Variants in MPPE1 observed in about 807,000 individuals in gnomAD.
MPPE1 encodes the protein metallophosphoesterase 1, also known as metallo phosphoesterase.
A neutral mutation model predicts 43.8 loss-of-function variants in MPPE1; 28 were observed. The observed-to-expected ratio is 0.64, with a 90% CI of 0.47 to 0.88. The LOEUF (loss-of-function observed/expected upper bound fraction) is 0.88. Among genes scored for constraint, MPPE1 ranks in the 40% least tolerant of loss-of-function variants. MPPE1 has a pLI of 0.00. For missense variants in MPPE1, 428 were observed against 492.2 expected (o/e 0.87, Z 1.23); for synonymous variants, 159 against 188.5 (o/e 0.84, Z 1.28).
chr18:11,884,151 A>T lies in MPPE1; in HGVS notation c.*294T>A, dbSNP rs1425484535. ...CCTGGGGGAACAAGGACTGTCGTGC[A>T]TGTGAGTGACGACATTAATAGCATT... On this transcript the variant is annotated 3_prime_UTR_variant, in exon 11 of 11. Transcript: ENST00000588072. 3.4e-6 allele frequency: 1 copy of T among 295,260 alleles called. No homozygotes were observed. The highest frequency in any genetic ancestry group is 1.1e-3 in the Middle Eastern group (1 of 872). 18.3% of individuals were successfully genotyped at this position (295,260 alleles called of 1,614,324 possible).
chr18:11,904,769 C>G (rs2039544225), intron 2 of MPPE1, among the ~76,000 whole-genome samples: 1 of 151,760 alleles, frequency 6.6e-6, no homozygotes, highest in Non-Finnish European at 1.5e-5. Context: ...AACCCCATCT[C>G]TACTAAATAT....
rs550690796 is a variant in MPPE1, at chr18:11,883,273, A to G, written c.*1172T>C. ...CCTCAGCTGAACTAAGATAAATAATACAATGGAAATTATTTTCAGTTCCCC... is the reference window on the plus strand; with the variant it reads ...CCTCAGCTGAACTAAGATAAATAATGCAATGGAAATTATTTTCAGTTCCCC... On this transcript the variant is annotated 3_prime_UTR_variant, in exon 11 of 11. Transcript: ENST00000588072. 6.6e-6 allele frequency: 1 copy of G among 152,352 alleles called. No individual in the cohort carries two copies. Among genetic ancestry groups the G allele is most frequent in the Non-Finnish European group, 1.5e-5 (1 of 68,020 alleles). 9.4% of individuals were successfully genotyped at this position (152,352 alleles called of 1,614,324 possible).
chr18:11,902,618 C>CA (rs778182227), intron 2 of MPPE1: 1 of 152,136 alleles, frequency 6.6e-6, no homozygotes, highest in Non-Finnish European at 1.5e-5. Context: ...TTCCAGTATG[C>CA]AAACCCTTGC....
At chr18:11,900,482 G>A (rs2039030150) in intron 2 of MPPE1, among the ~76,000 whole-genome samples, 1 of 151,886 alleles carries the variant, frequency 6.6e-6, no homozygotes, top group South Asian at 2.1e-4. Flanking sequence ...CTCCAGACTG[G>A]GTAACAAGAG....
intron 6 of MPPE1, 130 bp downstream of exon 6, chr18:11,888,539 G>T: frequency 3.3e-6 from 2 of 604,032 alleles, no homozygotes; most frequent in Non-Finnish European, 5.8e-6. Context: ...CTAAGGCACT[G>T]CTGTTTAAAG....
At chr18:11,890,820 GGAT>G (rs1435981145) in intron 4 of MPPE1, among the ~76,000 whole-genome samples, 1 of 152,138 alleles carries the variant, frequency 6.6e-6, no homozygotes, top group Non-Finnish European at 1.5e-5. Flanking sequence ...ACTAAGACAA[GGAT>G]GAGAACATCT....
chr18:11,885,741 G>GGCCCCCGTGGT lies in MPPE1; in HGVS notation c.932_942dup (p.Arg315ThrfsTer48), dbSNP rs761005446. 9.3e-6 allele frequency: 15 copies of GGCCCCCGTGGT among 1,613,790 alleles called. No homozygotes were observed. Among genetic ancestry groups the GGCCCCCGTGGT allele is most frequent in the Non-Finnish European group, 5.1e-6 (6 of 1,179,894 alleles). On this transcript the variant is annotated frameshift_variant, in exon 10 of 11. Coordinates refer to ENST00000588072, the MANE Select transcript of MPPE1 (RefSeq NM_023075.6). LOFTEE classifies it high-confidence loss of function. ...GATGGGACGCTGAGCTCGGGGACTC[G>GGCCCCCGTGGT]GCCCCCGTGGTGCACCTCGCAGGCG...
intron 2 of MPPE1, chr18:11,902,446 T>A (rs1222993770): frequency 6.6e-6 from 1 of 152,206 alleles, no homozygotes; most frequent in Admixed American, 6.5e-5. Flanking sequence ...CATTCGATCT[T>A]ACTATCTCAT....
At chr18:11,903,581 C>T (rs980537889) in intron 2 of MPPE1, among the ~76,000 whole-genome samples, 5 of 152,038 alleles carry the variant, frequency 3.3e-5, no homozygotes, top group South Asian at 2.1e-4. Context: ...CCGAGGCGGG[C>T]GGATCACAAG....
intron 2 of MPPE1, among the ~76,000 whole-genome samples, chr18:11,904,968 A>G (rs2039569688): frequency 6.6e-6 from 1 of 151,896 alleles, no homozygotes; most frequent in African/African-American, 2.4e-5. Flanking sequence ...AAAAAAAGAT[A>G]ACAGAACAAA....
intron 3 of MPPE1, among the ~76,000 whole-genome samples, chr18:11,896,205 G>A (rs188997262): frequency 9.9e-4 from 145 of 146,600 alleles, no homozygotes; most frequent in Non-Finnish European, 1.7e-3. Flanking sequence ...AGGTTTAAGC[G>A]ATTCTCCTGC....
At chr18:11,904,903 A>G (rs7237688) in intron 2 of MPPE1, among the ~76,000 whole-genome samples, 9,113 of 152,158 alleles carry the variant, frequency 0.06, 939 homozygotes, top group African/African-American at 0.21. Context: ...AGATTTCACC[A>G]TAGCACTCCA....
chr18:11,902,136 TA>T (rs1218270000), intron 2 of MPPE1: 1 of 152,030 alleles, frequency 6.6e-6, no homozygotes, highest in African/African-American at 2.4e-5. Context: ...ATATCACTAA[TA>T]AAAATTAAAA....
chr18:11,893,489 T>A lies in MPPE1; in HGVS notation c.369A>T (p.Glu123Asp). The change falls in exon 4 of 11, where the codon GAA (glutamate) becomes GAT (aspartate). Residue 123 changes from glutamate (E) to aspartate (D), a missense_variant. Coordinates refer to ENST00000588072, the MANE Select transcript of MPPE1 (RefSeq NM_023075.6). ...VVFILGDIFDEGKWSTPEAWA... is the reference protein window; with the variant it reads ...VVFILGDIFDDGKWSTPEAWA... ...CTACCTCAGGGGTGCTCCACTTCCCTTCATCAAAGATATCCCCCAGGATGA... is the reference window on the plus strand; with the variant it reads ...CTACCTCAGGGGTGCTCCACTTCCCATCATCAAAGATATCCCCCAGGATGA... 3 of 1,613,686 alleles carry A rather than the reference T, an allele frequency of 1.9e-6. No homozygotes were observed. The highest frequency in any genetic ancestry group is 2.5e-6 in the Non-Finnish European group (3 of 1,179,946).
intron 2 of MPPE1, among the ~76,000 whole-genome samples, chr18:11,899,577 T>C (rs186877900): frequency 7.8e-4 from 119 of 152,274 alleles, no homozygotes; most frequent in African/African-American, 2.7e-3. Flanking sequence ...AGATAGGCTA[T>C]AAATGGTGGC....
chr18:11,904,874 C>CGGA (rs1421644387), intron 2 of MPPE1, among the ~76,000 whole-genome samples: 1 of 151,654 alleles, frequency 6.6e-6, no homozygotes, highest in Admixed American at 6.6e-5. Context: ...ACCCAGGAGG[C>CGGA]GGAGGTTGCA....
intron 3 of MPPE1, among the ~76,000 whole-genome samples, chr18:11,894,446 A>C (rs1325015995): frequency 6.6e-6 from 1 of 151,436 alleles, no homozygotes; most frequent in Non-Finnish European, 1.5e-5. Flanking sequence ...AAAAAAAAAA[A>C]AAAAAAAAAC....
intron 4 of MPPE1, among the ~76,000 whole-genome samples, chr18:11,890,209 T>C (rs924778378): frequency 3.3e-5 from 5 of 152,216 alleles, no homozygotes; most frequent in African/African-American, 1.2e-4. Context: ...CCCAAAGTGC[T>C]GGGATTACAG....
intron 2 of MPPE1, among the ~76,000 whole-genome samples, chr18:11,897,999 C>G (rs776768412): frequency 1.3e-5 from 2 of 152,140 alleles, no homozygotes; most frequent in African/African-American, 2.4e-5. Context: ...TGTCCTTGGT[C>G]ATTCCTGGAT....
Sources: gnomAD v4.1 joint callset for allele counts (sites outside exome capture counted in the v4.1 genomes callset) on GRCh38, gnomAD v4.1.1 for gene constraint, MANE v1.5 for transcripts, NCBI Gene and HGNC (gene_info 2026-07-23, HGNC 2026-07-21) for gene names.